Variants in ESRRG observed in about 807,000 individuals in gnomAD.
ESRRG encodes estrogen related receptor gamma, also known as estrogen-related receptor gamma.
Under a neutral mutation model 44.0 loss-of-function variants are expected in ESRRG, and 13 were observed. The ratio of observed to expected loss-of-function variants is 0.30; its 90% CI spans 0.19 to 0.47. The LOEUF is 0.47. Among genes scored for constraint, ESRRG ranks in the 20% least tolerant of loss-of-function variants. The pLI, the probability that ESRRG is intolerant of heterozygous loss-of-function variation, is 1.00. For synonymous variants in ESRRG, 215 were observed against 214.6 expected (o/e 1.00, Z -0.02); for missense variants, 395 against 580.6 (o/e 0.68, Z 3.29).
chr1:217,010,540 T>C (rs2078412566), intron 1 of ESRRG, among the ~76,000 whole-genome samples: 1 of 152,184 alleles, frequency 6.6e-6, no homozygotes, highest in Admixed American at 6.6e-5. Context: ...ATTTATCCTT[T>C]GATAGAAAAT....
In ESRRG at chr1:216,798,523, T is replaced by C. The variant is rs376329007; in HGVS notation, c.-13-121032A>G. Among the ~76,000 whole-genome samples, 185 of 152,314 alleles carry C rather than the reference T, an allele frequency of 1.2e-3. 1 individual carries two copies. The highest frequency in any genetic ancestry group is 4.4e-3 in the African/African-American group (182 of 41,572). On this transcript the variant is annotated intron_variant, in intron 2 of 7. Coordinates refer to the ESRRG transcript ENST00000359162. ...AGGAAGGGCTGCCTCCTGAAAATCC[T>C]GCAAGCTACTTATGGTCATCAACAG...
intron 3 of ESRRG, among the ~76,000 whole-genome samples, chr1:216,621,089 T>C (rs775031477): frequency 2.0e-5 from 3 of 152,188 alleles, no homozygotes; most frequent in African/African-American, 4.8e-5. Context: ...GCCCCAGATA[T>C]GTATCCACAG....
chr1:216,836,538 C>T (rs2095567607), intron 2 of ESRRG, among the ~76,000 whole-genome samples: 1 of 152,140 alleles, frequency 6.6e-6, no homozygotes, highest in African/African-American at 2.4e-5. Flanking sequence ...CCAGGCACAG[C>T]ACAATAGGAT....
chr1:217,073,991 TG>T (rs2090936128), intron 1 of ESRRG, among the ~76,000 whole-genome samples: 1 of 152,040 alleles, frequency 6.6e-6, no homozygotes. Flanking sequence ...TTAGTATATA[TG>T]ATTATCTTTG....
intron 1 of ESRRG, among the ~76,000 whole-genome samples, chr1:217,030,524 G>A (rs2151015625): frequency 6.6e-6 from 1 of 152,280 alleles, no homozygotes; most frequent in East Asian, 1.9e-4. Flanking sequence ...GTGTGACCTT[G>A]AGCATACCGC....
intron 5 of ESRRG, among the ~76,000 whole-genome samples, chr1:216,544,332 A>G (rs1282960294): frequency 6.6e-6 from 1 of 152,074 alleles, no homozygotes; most frequent in Admixed American, 6.6e-5. Context: ...CTTAAAAATA[A>G]TTACATATTT....
At chr1:216,868,079 CTTTTTT>C (rs58738849) in intron 2 of ESRRG, among the ~76,000 whole-genome samples, 1 of 78,356 alleles carries the variant, frequency 1.3e-5, no homozygotes, top group Admixed American at 1.8e-4. Context: ...TATATTGATC[CTTTTTT>C]TTTTTTTTTT....
intron 1 of ESRRG, among the ~76,000 whole-genome samples, chr1:217,051,318 T>G (rs2085998826): frequency 6.6e-6 from 1 of 151,944 alleles, no homozygotes; most frequent in Admixed American, 6.6e-5. Flanking sequence ...TTAGGCTGAT[T>G]CTTCACTTGT....
At chr1:216,738,296 A>T (rs2090234811) in intron 2 of ESRRG, among the ~76,000 whole-genome samples, 1 of 152,152 alleles carries the variant, frequency 6.6e-6, no homozygotes, top group South Asian at 2.1e-4. Context: ...TTTTGTAGTG[A>T]CACAATGCTG....
At chr1:216,849,413 C>A (rs182746880) in intron 2 of ESRRG, among the ~76,000 whole-genome samples, 21 of 152,286 alleles carry the variant, frequency 1.4e-4, no homozygotes, top group Admixed American at 2.6e-4. Flanking sequence ...AACAATGCTA[C>A]ACAAGTCATT....
intron 2 of ESRRG, among the ~76,000 whole-genome samples, chr1:216,770,265 G>T (rs377035702): frequency 3.9e-5 from 6 of 152,064 alleles, no homozygotes; most frequent in African/African-American, 1.4e-4. Context: ...TGATTCAAAA[G>T]TACCCTGTGA....
intron 1 of ESRRG, among the ~76,000 whole-genome samples, chr1:217,003,428 T>C (rs1356577199): frequency 6.6e-6 from 1 of 151,944 alleles, no homozygotes; most frequent in Non-Finnish European, 1.5e-5. Flanking sequence ...GTTTCCCTTT[T>C]CTTAAAATGA....
At chr1:216,677,920 T>C (rs1445607857) in intron 1 of ESRRG, among the ~76,000 whole-genome samples, 2 of 152,224 alleles carry the variant, frequency 1.3e-5, no homozygotes, top group South Asian at 2.1e-4. Flanking sequence ...ATTTCTAAAA[T>C]TGTATTTATC....
intron 1 of ESRRG, among the ~76,000 whole-genome samples, chr1:217,006,498 A>G (rs1381999552): frequency 6.6e-6 from 1 of 152,120 alleles, no homozygotes; most frequent in Non-Finnish European, 1.5e-5. Flanking sequence ...GAACTGGCTT[A>G]ATAACAAAGA....
chr1:216,871,996 T>A (rs1286576794), intron 2 of ESRRG, among the ~76,000 whole-genome samples: 1 of 152,132 alleles, frequency 6.6e-6, no homozygotes, highest in Non-Finnish European at 1.5e-5. Context: ...GCTGACTTGC[T>A]GGCAACAAAT....
At chr1:216,805,334 T>G (rs2094754233) in intron 2 of ESRRG, 1 of 152,108 alleles carries the variant, frequency 6.6e-6, no homozygotes, top group Admixed American at 6.6e-5. Context: ...ATTTGTTGAG[T>G]TAGCTAGCAA....
At chr1:216,545,968 T>C (rs1435174478) in intron 5 of ESRRG, among the ~76,000 whole-genome samples, 1 of 152,084 alleles carries the variant, frequency 6.6e-6, no homozygotes, top group African/African-American at 2.4e-5. Flanking sequence ...CTAGAGATGA[T>C]AATAAAACTA....
chr1:217,106,792 CTT>C (rs533083431), intron 1 of ESRRG, among the ~76,000 whole-genome samples: 7 of 152,156 alleles, frequency 4.6e-5, no homozygotes, highest in Non-Finnish European at 8.8e-5. Context: ...CTTTGCCTGA[CTT>C]TGAATTGTGA....
chr1:216,673,388 G>A (rs2075558845), intron 2 of ESRRG, among the ~76,000 whole-genome samples: 1 of 152,214 alleles, frequency 6.6e-6, no homozygotes, highest in African/African-American at 2.4e-5. Context: ...GATGTCTGAT[G>A]ATGTAGCTAG....
Sources: allele counts gnomAD v4.1 joint callset (sites outside exome capture counted in the v4.1 genomes callset), GRCh38; gene constraint gnomAD v4.1.1; transcripts MANE v1.5; gene names NCBI Gene and HGNC (gene_info 2026-07-23, HGNC 2026-07-21).